EPHA6: variants seen among roughly 807,000 people sequenced by gnomAD.
EPHA6 encodes ephrin type-A receptor 6.
In EPHA6, 50 loss-of-function variants were observed where a neutral mutation model predicts 112.0. That is an observed-to-expected ratio of 0.45 (90% CI 0.36 to 0.56). The LOEUF (loss-of-function observed/expected upper bound fraction) is 0.56. Ranked by LOEUF, EPHA6 falls within the 20% of genes least tolerant of loss-of-function variation. The pLI, the probability that EPHA6 is intolerant of heterozygous loss-of-function variation, is 0.00. For missense variants in EPHA6, 1,280 were observed against 1,417.4 expected (o/e 0.90, Z 1.56); for synonymous variants, 529 against 490.7 (o/e 1.08, Z -1.03).
Position 97,761,331 on chromosome 3 carries a change from C to T in EPHA6, c.*12630C>T, listed in dbSNP as rs997076471. On this transcript the variant is annotated 3_prime_UTR_variant, in exon 18 of 18. Transcript: ENST00000389672. ...TGGTGAATTGCATAACATATGTCAT[C>T]TATTTGCTGAAAGAATATGCTGTTT... is the stretch of plus-strand genomic sequence containing the variant. 3.7e-5 allele frequency: 7 copies of T among 190,952 alleles called. No homozygotes were observed. The highest frequency in any genetic ancestry group is 1.6e-4 in the African/African-American group (7 of 43,004). The allele number at this position is 190,952 out of a possible 1,614,324, so 11.8% of individuals were successfully genotyped here. A position where few individuals can be genotyped will look rare whatever the true frequency, so the allele number is the denominator to read the frequency against.
chr3:97,106,436 G>A (rs986912859), intron 3 of EPHA6, among the ~76,000 whole-genome samples: 2 of 151,944 alleles, frequency 1.3e-5, no homozygotes, highest in South Asian at 2.1e-4. Flanking sequence ...ATAATAGTGA[G>A]CAAATATTGG....
At chr3:97,290,745 A>G (rs949195142) in intron 5 of EPHA6, among the ~76,000 whole-genome samples, 1 of 151,246 alleles carries the variant, frequency 6.6e-6, no homozygotes, top group Admixed American at 6.6e-5. Flanking sequence ...TTCGCTACCC[A>G]TTCTAGTTTT....
chr3:97,448,164 C>T (rs1226164293), intron 6 of EPHA6, among the ~76,000 whole-genome samples: 5 of 152,104 alleles, frequency 3.3e-5, no homozygotes, highest in South Asian at 2.1e-4. Flanking sequence ...GCACTACCTG[C>T]GGGTAGAAGT....
At chr3:97,338,065 A>G (rs1295732004) in intron 5 of EPHA6, among the ~76,000 whole-genome samples, 1 of 151,988 alleles carries the variant, frequency 6.6e-6, no homozygotes, top group Non-Finnish European at 1.5e-5. Context: ...AGTATGAAGA[A>G]CTTTCAGATA....
intron 1 of EPHA6, among the ~76,000 whole-genome samples, chr3:96,820,350 A>G (rs2033155082): frequency 6.6e-6 from 1 of 152,100 alleles, no homozygotes; most frequent in African/African-American, 2.4e-5. Flanking sequence ...ACTAGTGAGC[A>G]AAAACTTAAT....
In EPHA6 at chr3:97,475,374, A is replaced by C; in HGVS notation, c.1917A>C (p.Gln639His). 6.2e-7 allele frequency: 1 copy of C among 1,611,916 alleles called. No individual in the cohort carries two copies. Among genetic ancestry groups the C allele is most frequent in the Admixed American group, 1.7e-5 (1 of 59,686 alleles). ...CAGCTTCTGACATGGCAGCAGAACAAGGACAGATTCTCGTGATAGCCACCG... is the reference window on the plus strand; with the variant it reads ...CAGCTTCTGACATGGCAGCAGAACACGGACAGATTCTCGTGATAGCCACCG... ...GDETSDMAAE[Q>H]GQILVIATAA... is the part of the protein sequence containing the mutation. Residue 639 changes from glutamine to histidine, a missense_variant, in exon 8 of 18, where the codon CAA (glutamine) becomes CAC (histidine). Around this residue, in one of 4 missense-constraint regions of EPHA6, gnomAD observed 878 missense variants for 999.7 expected, o/e 0.88. Transcript: ENST00000389672.
At chr3:96,866,018 T>C (rs143702564) in intron 1 of EPHA6, among the ~76,000 whole-genome samples, 14 of 152,146 alleles carry the variant, frequency 9.2e-5, no homozygotes, top group African/African-American at 3.1e-4. Context: ...AGTTAGTTTA[T>C]AGAAAGTATT....
chr3:97,141,890 T>C (rs1576561133), intron 3 of EPHA6, among the ~76,000 whole-genome samples: 1 of 152,056 alleles, frequency 6.6e-6, no homozygotes, highest in East Asian at 1.9e-4. Context: ...GGATTAACCC[T>C]TTTCTGATTT....
chr3:97,556,122 A>G (rs1462017504), intron 11 of EPHA6, among the ~76,000 whole-genome samples: 1 of 151,818 alleles, frequency 6.6e-6, no homozygotes, highest in Non-Finnish European at 1.5e-5. Flanking sequence ...CCAACCTTAA[A>G]CCTACTTAGC....
At chr3:97,713,178 G>C (rs2034057240) in intron 14 of EPHA6, among the ~76,000 whole-genome samples, 1 of 152,142 alleles carries the variant, frequency 6.6e-6, no homozygotes, top group Non-Finnish European at 1.5e-5. Flanking sequence ...AGAGGGTGGA[G>C]CAGACGCTCT....
intron 5 of EPHA6, among the ~76,000 whole-genome samples, chr3:97,264,816 C>G (rs1484366519): frequency 1.3e-5 from 2 of 152,164 alleles, no homozygotes; most frequent in African/African-American, 4.8e-5. Context: ...TCCCCATAGC[C>G]AGGTGCCCCT....
chr3:97,022,906 C>G (rs1243133340), intron 3 of EPHA6, among the ~76,000 whole-genome samples: 1 of 152,180 alleles, frequency 6.6e-6, no homozygotes, highest in Non-Finnish European at 1.5e-5. Context: ...CCAGCTTGAG[C>G]ACAGCAGCAT....
chr3:97,291,841 T>G (rs1004786875), intron 5 of EPHA6, among the ~76,000 whole-genome samples: 2 of 152,226 alleles, frequency 1.3e-5, no homozygotes, highest in African/African-American at 4.8e-5. Flanking sequence ...CTTTAGGGTG[T>G]CACTTCACCA....
At chr3:97,391,098 A>G (rs1336511110) in intron 5 of EPHA6, among the ~76,000 whole-genome samples, 3 of 152,026 alleles carry the variant, frequency 2.0e-5, no homozygotes, top group East Asian at 1.9e-4. Context: ...ATTTTCTGGC[A>G]TTACTATTAT....
intron 15 of EPHA6, among the ~76,000 whole-genome samples, chr3:97,727,555 T>C (rs1318816569): frequency 6.6e-6 from 1 of 152,036 alleles, no homozygotes; most frequent in African/African-American, 2.4e-5. Flanking sequence ...TTTTTGTCTC[T>C]GATTAGATTT....
intron 2 of EPHA6, among the ~76,000 whole-genome samples, chr3:96,912,033 G>C (rs1025006928): frequency 6.6e-6 from 1 of 152,062 alleles, no homozygotes; most frequent in East Asian, 1.9e-4. Flanking sequence ...AAATTGTTTT[G>C]ATTGGGATGG....
At chr3:97,055,998 T>A (rs190882611) in intron 3 of EPHA6, among the ~76,000 whole-genome samples, 1 of 152,136 alleles carries the variant, frequency 6.6e-6, no homozygotes, top group Non-Finnish European at 1.5e-5. Flanking sequence ...TTACATATTC[T>A]ATACTTATGA....
chr3:97,351,156 A>C (rs1338391374), intron 5 of EPHA6, among the ~76,000 whole-genome samples: 1 of 152,214 alleles, frequency 6.6e-6, no homozygotes, highest in East Asian at 1.9e-4. Context: ...TTCACGCCAA[A>C]GTGCAATTTG....
chr3:97,727,916 C>T (rs1293927073), intron 15 of EPHA6, among the ~76,000 whole-genome samples: 1 of 151,854 alleles, frequency 6.6e-6, no homozygotes, highest in African/African-American at 2.4e-5. Flanking sequence ...AACCAGTAAA[C>T]AATGCGGTAC....
Sources: gnomAD v4.1 joint callset for allele counts (sites outside exome capture counted in the v4.1 genomes callset) on GRCh38, gnomAD v4.1.1 for gene constraint, gnomAD v4.1.1 regional missense constraint, MANE v1.5 for transcripts, NCBI Gene and HGNC (gene_info 2026-07-23, HGNC 2026-07-21) for gene names.